OSGIN1: variants seen among roughly 807,000 people sequenced by gnomAD.
The protein encoded by OSGIN1 is oxidative stress-induced growth inhibitor 1.
In OSGIN1, 19 loss-of-function variants were observed where a neutral mutation model predicts 20.1. That is an observed-to-expected ratio of 0.95 (90% CI 0.66 to 1.39). The LOEUF is 1.39. OSGIN1 is among the 40% of genes most tolerant of loss of function. The pLI, the probability that OSGIN1 is intolerant of heterozygous loss-of-function variation, is 0.00. For synonymous variants in OSGIN1, 368 were observed against 297.8 expected (o/e 1.24, Z -2.43); for missense variants, 820 against 653.0 (o/e 1.26, Z -2.79).
At chr16:83,963,424 T>TG (rs58292085) in intron 5 of OSGIN1, among the ~76,000 whole-genome samples, 10,419 of 152,130 alleles carry the variant, frequency 0.068, 1,199 homozygotes, top group African/African-American at 0.24. Context: ...TGCCAGGCCT[T>TG]GGGCTTAGAC....
At chr16:83,964,994 T>TACCCTG in intron 5 of OSGIN1, 68 bp from the exon 6 acceptor site, 1 of 829,236 alleles carries the variant, frequency 1.2e-6, no homozygotes. Flanking sequence ...CCTGGACATC[T>TACCCTG]CCCGTCCCAC....
chr16:83,957,287 G>A (rs1426768013), intron 1 of OSGIN1, among the ~76,000 whole-genome samples: 2 of 152,172 alleles, frequency 1.3e-5, no homozygotes, highest in African/African-American at 2.4e-5. Context: ...TGGTTCCTGG[G>A]TTGGGCAGGA....
At chr16:83,954,642 C>G (rs1479843478) in intron 1 of OSGIN1, 2 of 447,394 alleles carry the variant, frequency 4.5e-6, no homozygotes, top group Non-Finnish European at 6.0e-6. Context: ...AGTGACTTCT[C>G]AGGTCCAGCC....
chr16:83,964,105 A>G (rs2084247869), intron 5 of OSGIN1, among the ~76,000 whole-genome samples: 1 of 152,138 alleles, frequency 6.6e-6, no homozygotes, highest in African/African-American at 2.4e-5. Flanking sequence ...AGAGTTCGAA[A>G]CCATCCTGGC....
intron 2 of OSGIN1, 126 bp downstream of exon 2, chr16:83,957,864 TTTA>T: frequency 9.6e-6 from 3 of 314,116 alleles, no homozygotes; most frequent in Admixed American, 5.9e-5. Flanking sequence ...TTATTTTTTA[TTTA>T]TTTATTTATT....
intron 1 of OSGIN1, among the ~76,000 whole-genome samples, chr16:83,955,077 G>A (rs1315335419): frequency 6.6e-6 from 1 of 152,202 alleles, no homozygotes; most frequent in Non-Finnish European, 1.5e-5. Flanking sequence ...TCTGCAAAGT[G>A]GGTTGCTAGG....
At chr16:83,959,993 C>CT (rs942615025) in intron 3 of OSGIN1, among the ~76,000 whole-genome samples, 1 of 152,232 alleles carries the variant, frequency 6.6e-6, no homozygotes, top group African/African-American at 2.4e-5. Context: ...ACGACCTCCC[C>CT]TTGTCGACCT....
intron 2 of OSGIN1, 51 bp from the exon 3 acceptor site, chr16:83,959,209 G>C: frequency 2.2e-6 from 3 of 1,376,332 alleles, no homozygotes; most frequent in Non-Finnish European, 3.1e-6. Flanking sequence ...CCACAGTAGT[G>C]TCCCCCACCT....
chr16:83,965,427 C>T lies in OSGIN1; in HGVS notation c.854C>T (p.Ser285Leu), dbSNP rs144301439. The T allele has an allele frequency of 9.9e-5, 157 of 1,584,418 alleles. No homozygotes were observed. Among genetic ancestry groups the T allele is most frequent in the Middle Eastern group, 1.7e-4 (1 of 5,988 alleles). ...AGGGTGGGTGCGGTGACCCCGGCCT[C>T]AGACCCTGTCCTCATCATTGGCGCG... ...ATRVGAVTPA[S>L]DPVLIIGAGL... The change falls in exon 6 of 6, where the codon TCA becomes TTA. Residue 285 changes from serine (S) to leucine (L), a missense_variant. By Grantham distance (145) the Ser-to-Leu change is moderately radical. Coordinates refer to ENST00000393306, the MANE Select transcript of OSGIN1 (RefSeq NM_182981.3).
intron 2 of OSGIN1, among the ~76,000 whole-genome samples, chr16:83,958,504 C>T (rs1291891004): frequency 1.3e-5 from 2 of 152,172 alleles, no homozygotes; most frequent in African/African-American, 2.4e-5. Context: ...TCCGATTAAG[C>T]CACGTGAGAT....
rs201120754 is a variant in OSGIN1 at position 83,965,260 on chromosome 16, C to T, written c.687C>T (p.Asn229=). 33 of 1,610,436 alleles carry T rather than the reference C, an allele frequency of 2.0e-5. No individual in the cohort carries two copies. The African/African-American group carries it at 4.3e-4, about 21-fold the overall frequency. The change falls in exon 6 of 6, where the codon AAC becomes AAT. Residue 229 remains asparagine, a synonymous_variant. Coordinates refer to ENST00000393306, the MANE Select transcript of OSGIN1 (RefSeq NM_182981.3). ...LFQVSGFLTR[N]QAQQPFSLWA... is the part of the protein sequence containing the mutation. Reference sequence around the variant, plus strand: ...AGGTGAGCGGCTTCCTGACCAGGAACCAGGCCCAGCAGCCCTTCTCGCTGT... The same window carrying T: ...AGGTGAGCGGCTTCCTGACCAGGAATCAGGCCCAGCAGCCCTTCTCGCTGT...
At chr16:83,961,558 C>T (rs2084213548) in intron 5 of OSGIN1, among the ~76,000 whole-genome samples, 2 of 152,166 alleles carry the variant, frequency 1.3e-5, no homozygotes, top group Non-Finnish European at 2.9e-5. Flanking sequence ...GGGGATTTCA[C>T]AGGCCCCCCA....
chr16:83,955,226 A>T (rs2255441), intron 1 of OSGIN1, among the ~76,000 whole-genome samples: 2 of 151,874 alleles, frequency 1.3e-5, no homozygotes, highest in African/African-American at 4.8e-5. Context: ...CAGAGAAAGC[A>T]CTCTGAGACC....
At chr16:83,964,561 A>T (rs1597184207) in intron 5 of OSGIN1, among the ~76,000 whole-genome samples, 1 of 152,082 alleles carries the variant, frequency 6.6e-6, no homozygotes, top group African/African-American at 2.4e-5. Context: ...TAAAAATGGA[A>T]TCATACCATA....
intron 2 of OSGIN1, among the ~76,000 whole-genome samples, chr16:83,958,073 C>T (rs1221859505): frequency 3.3e-5 from 5 of 152,130 alleles, no homozygotes; most frequent in African/African-American, 4.8e-5. Flanking sequence ...GATGGGGTTT[C>T]GCCATGTCGG....
rs1361864253 is a variant in OSGIN1 at position 83,960,777 on chromosome 16, G to C, written c.396+17G>C. ...GCCTGGCACGTGAGTGGGGCAGCGA[G>C]GGCATGGCTTGTGGGGGGCTCTCTC... is the stretch of plus-strand genomic sequence containing the variant. On this transcript the variant is annotated intron_variant, in intron 4 of 5. Transcript: ENST00000393306. 6.2e-7 allele frequency: 1 copy of C among 1,610,998 alleles called. No homozygotes were observed. Among genetic ancestry groups the C allele is most frequent in the East Asian group, 2.2e-5 (1 of 44,834 alleles).
rs561937301 is a variant in OSGIN1 at position 83,961,709 on chromosome 16, G to A, written c.488+637G>A. On this transcript the variant is annotated intron_variant, in intron 5 of 5. Transcript: ENST00000393306. Reference sequence around the variant, plus strand: ...TGAGTGGGGGTGAGCAGCAGAGCTGGGCTCACCCGAGGACCCCCTGTCCCG... The same window carrying A: ...TGAGTGGGGGTGAGCAGCAGAGCTGAGCTCACCCGAGGACCCCCTGTCCCG... 1.3e-4 allele frequency among the ~76,000 whole-genome samples: 20 copies of A among 152,198 alleles called. No homozygotes were observed. In the East Asian group the frequency reaches 3.3e-3, roughly 25 times the overall value.
At chr16:83,962,297 GGC>G (rs1482661971) in intron 5 of OSGIN1, among the ~76,000 whole-genome samples, 1 of 152,178 alleles carries the variant, frequency 6.6e-6, no homozygotes, top group Non-Finnish European at 1.5e-5. Context: ...GGAGTGCAGT[GGC>G]GCGATCTCAG....
chr16:83,960,500 C>T, intron 3 of OSGIN1, 69 bp from the exon 4 acceptor site: 1 of 1,319,902 alleles, frequency 7.6e-7, no homozygotes, highest in Non-Finnish European at 1.1e-6. Flanking sequence ...CGTTCCTGCC[C>T]AGCCTCAGGC....
Sources: allele counts gnomAD v4.1 joint callset (sites outside exome capture counted in the v4.1 genomes callset), GRCh38; gene constraint gnomAD v4.1.1; transcripts MANE v1.5; gene names NCBI Gene and HGNC (gene_info 2026-07-23, HGNC 2026-07-21).